The following DCC variants were observed in gnomAD, a reference collection of about 807,000 sequenced individuals.
DCC encodes netrin receptor DCC.
DCC carries 58 observed loss-of-function variants against 172.5 expected under a neutral mutation model. That is an observed-to-expected ratio of 0.34 (90% CI 0.27 to 0.42). The LOEUF is 0.42. Ranked by LOEUF, DCC falls within the 10% of genes least tolerant of loss-of-function variation. The pLI is 1.00. For synonymous variants in DCC, 709 were observed against 644.5 expected, an observed-to-expected ratio of 1.10 and a Z score of -1.52; for missense variants, 1,740 against 1,791.0, an observed-to-expected ratio of 0.97 and a Z score of 0.51.
At chr18:53,157,937 T>A (rs1175920921) in intron 8 of DCC, among the ~76,000 whole-genome samples, 2 of 152,116 alleles carry the variant, frequency 1.3e-5, no homozygotes, top group Non-Finnish European at 1.5e-5. Context: ...TAAGGAGAAA[T>A]TAATAATACC....
chr18:52,955,637 G>C (rs2145557682), intron 5 of DCC, among the ~76,000 whole-genome samples: 1 of 152,192 alleles, frequency 6.6e-6, no homozygotes, highest in Admixed American at 6.5e-5. Context: ...GTCCTTCAAA[G>C]TGGTTGCACC....
chr18:52,395,504 G>T (rs910619714), intron 1 of DCC, among the ~76,000 whole-genome samples: 1 of 151,908 alleles, frequency 6.6e-6, no homozygotes, highest in South Asian at 2.1e-4. Context: ...GGAGTCCCTT[G>T]GTCCCTTCAG....
intron 1 of DCC, among the ~76,000 whole-genome samples, chr18:52,505,301 C>A (rs2031189706): frequency 6.6e-6 from 1 of 151,966 alleles, no homozygotes; most frequent in African/African-American, 2.4e-5. Context: ...TTAGAAAATC[C>A]CATGAGTTAA....
At chr18:53,293,433 A>C (rs1229114862) in intron 12 of DCC, among the ~76,000 whole-genome samples, 2 of 152,220 alleles carry the variant, frequency 1.3e-5, no homozygotes, top group Admixed American at 6.5e-5. Context: ...GATTCATTTA[A>C]CATTTGGAGT....
intron 1 of DCC, among the ~76,000 whole-genome samples, chr18:52,511,550 A>T (rs531507637): frequency 1.3e-5 from 2 of 152,238 alleles, no homozygotes; most frequent in East Asian, 3.9e-4. Flanking sequence ...TTGAATGAGG[A>T]CCTGGGGGGC....
At chr18:53,262,445 C>A (rs2056618060) in intron 12 of DCC, among the ~76,000 whole-genome samples, 1 of 152,120 alleles carries the variant, frequency 6.6e-6, no homozygotes, top group Non-Finnish European at 1.5e-5. Flanking sequence ...TCCCTGGATC[C>A]TCCTGGCCAG....
chr18:52,949,587 C>T (rs1181180691), intron 5 of DCC, among the ~76,000 whole-genome samples: 1 of 152,176 alleles, frequency 6.6e-6, no homozygotes, highest in Non-Finnish European at 1.5e-5. Context: ...GATGATTCCT[C>T]AAATAGCCCT....
intron 1 of DCC, among the ~76,000 whole-genome samples, chr18:52,708,972 A>C (rs1248407297): frequency 6.6e-6 from 1 of 152,166 alleles, no homozygotes; most frequent in East Asian, 1.9e-4. Context: ...TACTGTTAGG[A>C]AGTCAAGTAC....
intron 5 of DCC, among the ~76,000 whole-genome samples, chr18:53,014,280 ATAAT>A (rs1013409059): frequency 6.6e-6 from 1 of 152,078 alleles, no homozygotes; most frequent in Non-Finnish European, 1.5e-5. Context: ...GAACATATGG[ATAAT>A]TATTTTTTTT....
intron 1 of DCC, among the ~76,000 whole-genome samples, chr18:52,580,425 T>C (rs1430109596): frequency 6.6e-6 from 1 of 152,176 alleles, no homozygotes; most frequent in Admixed American, 6.5e-5. Flanking sequence ...CTTTTGTCTC[T>C]GCAGAGAAGG....
intron 1 of DCC, among the ~76,000 whole-genome samples, chr18:52,666,440 T>C (rs1432749593): frequency 2.6e-5 from 4 of 152,332 alleles, no homozygotes; most frequent in East Asian, 3.9e-4. Flanking sequence ...GGTAAACAAA[T>C]AGCAGTACTA....
intron 15 of DCC, 116 bp downstream of exon 15, chr18:53,340,023 T>C (rs1441628644): frequency 4.9e-6 from 4 of 818,868 alleles, no homozygotes; most frequent in Middle Eastern, 2.7e-4. Flanking sequence ...CAGCATGTAT[T>C]AGCTCTGAAA....
intron 1 of DCC, among the ~76,000 whole-genome samples, chr18:52,457,522 G>T (rs1435562016): frequency 6.6e-6 from 1 of 152,180 alleles, no homozygotes; most frequent in Non-Finnish European, 1.5e-5. Context: ...ATTTTATTTT[G>T]TTGTCTTTAA....
intron 1 of DCC, among the ~76,000 whole-genome samples, chr18:52,376,491 G>A (rs1300301092): frequency 6.6e-6 from 1 of 152,098 alleles, no homozygotes; most frequent in Non-Finnish European, 1.5e-5. Context: ...CTATGTGTGT[G>A]TGTGTGTGTG....
At chr18:52,660,202 T>A (rs2035331540) in intron 1 of DCC, among the ~76,000 whole-genome samples, 1 of 152,146 alleles carries the variant, frequency 6.6e-6, no homozygotes, top group Admixed American at 6.5e-5. Flanking sequence ...GTCTCACCAA[T>A]TATTTTGCTC....
intron 1 of DCC, among the ~76,000 whole-genome samples, chr18:52,725,882 A>T (rs192170226): frequency 1.3e-5 from 2 of 152,302 alleles, no homozygotes; most frequent in Non-Finnish European, 2.9e-5. Context: ...GTGGGTCTTG[A>T]TCTACCACCA....
intron 27 of DCC, among the ~76,000 whole-genome samples, chr18:53,510,363 G>A (rs1267752063): frequency 6.6e-6 from 1 of 152,142 alleles, no homozygotes; most frequent in Non-Finnish European, 1.5e-5. Flanking sequence ...CCCATGAATA[G>A]TGATAATGTT....
rs1034092579 is a variant in DCC, at chr18:52,406,392, A to C, written c.91+65514A>C. 1.4e-4 allele frequency among the ~76,000 whole-genome samples: 22 copies of C among 151,910 alleles called. No homozygotes were observed. The East Asian group carries it at 3.1e-3, about 21-fold the overall frequency. ...CCATCAGAGTGAACAGGCAACCTAC[A>C]AAATGGGAGAAAATTTTCGCAACCT... On this transcript the variant is annotated intron_variant, in intron 1 of 28. Coordinates refer to ENST00000442544, the MANE Select transcript of DCC (RefSeq NM_005215.4).
intron 13 of DCC, among the ~76,000 whole-genome samples, chr18:53,310,409 A>C (rs1000783692): frequency 5.9e-5 from 9 of 152,090 alleles, no homozygotes; most frequent in African/African-American, 2.2e-4. Flanking sequence ...TATGTTATAA[A>C]TATTCAGGTG....
Sources: gnomAD v4.1 joint callset for allele counts (sites outside exome capture counted in the v4.1 genomes callset) on GRCh38, gnomAD v4.1.1 for gene constraint, MANE v1.5 for transcripts, NCBI Gene and HGNC (gene_info 2026-07-23, HGNC 2026-07-21) for gene names.